Variants in HGF observed in about 807,000 individuals in gnomAD.
The protein encoded by HGF is fibroblast-derived tumor cytotoxic factor.
Under a neutral mutation model 111.6 loss-of-function variants are expected in HGF, and 39 were observed. The ratio of observed to expected loss-of-function variants is 0.35; its 90% CI spans 0.27 to 0.46. HGF has a LOEUF of 0.46. HGF is among the 20% of genes least tolerant of loss of function. The pLI, the probability that HGF is intolerant of heterozygous loss-of-function variation, is 1.00. For missense variants in HGF, 735 were observed against 910.5 expected, an observed-to-expected ratio of 0.81 and a Z score of 2.48; for synonymous variants, 285 against 294.8, an observed-to-expected ratio of 0.97 and a Z score of 0.34.
At chr7:81,710,515 C>T (rs1789546214) in intron 12 of HGF, among the ~76,000 whole-genome samples, 1 of 152,116 alleles carries the variant, frequency 6.6e-6, no homozygotes, top group Non-Finnish European at 1.5e-5. Flanking sequence ...GCTTTGCTCA[C>T]AATACACTAA....
At chr7:81,721,075 C>T (rs969204472) in intron 9 of HGF, among the ~76,000 whole-genome samples, 1 of 152,058 alleles carries the variant, frequency 6.6e-6, no homozygotes, top group South Asian at 2.1e-4. Context: ...GAAACCCTGT[C>T]TCTACTTTAA....
intron 14 of HGF, among the ~76,000 whole-genome samples, 154 bp downstream of exon 14, chr7:81,707,132 AAAGT>A (rs1789449187): frequency 1.3e-5 from 2 of 152,088 alleles, no homozygotes; most frequent in Admixed American, 1.3e-4. Flanking sequence ...CTGTGAAGTC[AAAGT>A]AAGTTTTGTA....
At chr7:81,753,948 C>T (rs1788627647) in intron 4 of HGF, among the ~76,000 whole-genome samples, 1 of 151,882 alleles carries the variant, frequency 6.6e-6, no homozygotes. Flanking sequence ...TATTTTAATG[C>T]ATCTTTTGTT....
chr7:81,731,232 G>C (rs1284103430), intron 7 of HGF, among the ~76,000 whole-genome samples: 2 of 152,120 alleles, frequency 1.3e-5, no homozygotes, highest in Non-Finnish European at 2.9e-5. Flanking sequence ...AAGTTGTACT[G>C]TGCAAATTTT....
rs1789242668 is a variant in HGF, at chr7:81,700,030, T to A, written c.*2551A>T. On this transcript the variant is annotated 3_prime_UTR_variant, in exon 18 of 18. Coordinates refer to ENST00000222390, the MANE Select transcript of HGF (RefSeq NM_000601.6). The stretch of plus-strand genomic sequence containing the variant: ...TATTTTAGTTTTACACTTCAATTCC[T>A]GGTAGACGTGAGAAAATGTCTACAA... 1 of 151,830 alleles carries A rather than the reference T, an allele frequency of 6.6e-6. No homozygotes were observed. The highest frequency in any genetic ancestry group is 2.4e-5 in the African/African-American group (1 of 41,436). 9.4% of individuals were successfully genotyped at this position (151,830 alleles called of 1,614,324 possible).
chr7:81,702,259 G>A lies in HGF; in HGVS notation c.*322C>T. On this transcript the variant is annotated 3_prime_UTR_variant, in exon 18 of 18. Transcript: ENST00000222390. The stretch of plus-strand genomic sequence containing the variant: ...GAAACCAACATCAGAAAGCAGCTTA[G>A]ACAGATTAATTGATTTTTTTTCCCA... The A allele has an allele frequency of 3.1e-6, 1 of 317,698 alleles. No individual in the cohort carries two copies. Among genetic ancestry groups the A allele is most frequent in the East Asian group, 4.9e-5 (1 of 20,496 alleles). The allele number at this position is 317,698 out of a possible 1,614,324, so 19.7% of individuals were successfully genotyped here. A position where few individuals can be genotyped will look rare whatever the true frequency, so the allele number is the denominator to read the frequency against.
At chr7:81,738,041 C>T (rs931733222) in intron 7 of HGF, among the ~76,000 whole-genome samples, 1 of 151,950 alleles carries the variant, frequency 6.6e-6, no homozygotes, top group Admixed American at 6.6e-5. Flanking sequence ...AACACATGGA[C>T]ACATAGAGGG....
At chr7:81,758,299 C>T (rs914948851) in intron 3 of HGF, among the ~76,000 whole-genome samples, 7 of 151,944 alleles carry the variant, frequency 4.6e-5, no homozygotes, top group African/African-American at 1.7e-4. Flanking sequence ...ATTTAGTTAT[C>T]CAACATTGTT....
At position 81,743,364 on chromosome 7, in the gene HGF, A is replaced by G. The variant is rs751870029; in HGVS notation, c.854T>C (p.Ile285Thr). ...TGACCTTCACTTACCGCATGTTTTA[A>G]TTGCACAGTACTCCCAGCGGGTGTG... ...DPHTRWEYCAIKTCADNTMND... is the reference protein window; with the variant it reads ...DPHTRWEYCATKTCADNTMND... Residue 285 changes from isoleucine (I) to threonine (T), a missense_variant, in exon 7 of 18, where the codon ATT (isoleucine) becomes ACT (threonine). Ile to Thr is a moderately conservative substitution (Grantham distance 89). This residue lies in a region of HGF where 553 missense variants were observed against 685.6 expected (regional missense o/e 0.81). Transcript: ENST00000222390. The G allele has an allele frequency of 1.2e-5, 20 of 1,601,220 alleles. No individual in the cohort carries two copies. The East Asian group carries it at 4.5e-4, about 36-fold the overall frequency.
At chr7:81,723,163 A>T (rs1043264074) in intron 9 of HGF, among the ~76,000 whole-genome samples, 1 of 152,154 alleles carries the variant, frequency 6.6e-6, no homozygotes, top group African/African-American at 2.4e-5. Context: ...ATTCCAAAAA[A>T]GTAAAGAATG....
At chr7:81,706,887 A>G (rs5745748) in intron 14 of HGF, among the ~76,000 whole-genome samples, 14 of 152,076 alleles carry the variant, frequency 9.2e-5, no homozygotes, top group African/African-American at 2.9e-4. Context: ...GCTAATTTTC[A>G]TTGAAAATTA....
intron 13 of HGF, among the ~76,000 whole-genome samples, chr7:81,707,791 C>A (rs951065757): frequency 6.6e-6 from 1 of 152,040 alleles, no homozygotes; most frequent in Non-Finnish European, 1.5e-5. Flanking sequence ...TGTTTGAACC[C>A]TGAAAACCAT....
At chr7:81,733,883 C>CA (rs1259709043) in intron 7 of HGF, among the ~76,000 whole-genome samples, 12 of 152,104 alleles carry the variant, frequency 7.9e-5, no homozygotes, top group African/African-American at 2.9e-4. Flanking sequence ...GGCAGTAAAA[C>CA]AAACTCCTCC....
intron 7 of HGF, among the ~76,000 whole-genome samples, chr7:81,731,516 A>G (rs545686550): frequency 1.3e-5 from 2 of 152,312 alleles, no homozygotes; most frequent in South Asian, 4.1e-4. Context: ...GTATAGAAAA[A>G]GTTGATGCTG....
At chr7:81,754,899 C>A (rs964933973) in intron 4 of HGF, among the ~76,000 whole-genome samples, 3 of 152,042 alleles carry the variant, frequency 2.0e-5, no homozygotes, top group Non-Finnish European at 2.9e-5. Flanking sequence ...CTGTAATAAG[C>A]ATTTATTCAT....
At chr7:81,757,448 A>C (rs1352627964) in intron 3 of HGF, 145 bp from the exon 4 acceptor site, 11 of 635,362 alleles carry the variant, frequency 1.7e-5, no homozygotes, top group Admixed American at 2.6e-5. Context: ...AGCTTCTACT[A>C]GTATTTTCAA....
At position 81,699,878 on chromosome 7, in the gene HGF, T is replaced by C. The variant is rs1789239652; in HGVS notation, c.*2703A>G. 1 of 151,712 alleles carries C rather than the reference T, an allele frequency of 6.6e-6. No homozygotes were observed. The highest frequency in any genetic ancestry group is 2.4e-5 in the African/African-American group (1 of 41,410). 9.4% of individuals were successfully genotyped at this position (151,712 alleles called of 1,614,324 possible). On this transcript the variant is annotated 3_prime_UTR_variant, in exon 18 of 18. Transcript: ENST00000222390. ...AAGCCTGTTAATACTAGAAATTGAC[T>C]CAATAGATTTTACTGAGGACCTGCC...
At chr7:81,736,888 T>C (rs527821728) in intron 7 of HGF, among the ~76,000 whole-genome samples, 4 of 135,670 alleles carry the variant, frequency 2.9e-5, no homozygotes, top group Non-Finnish European at 6.2e-5. Flanking sequence ...AATTTATGTG[T>C]AGAGGGGTGT....
At chr7:81,726,434 T>A (rs981259923) in intron 8 of HGF, among the ~76,000 whole-genome samples, 6 of 152,296 alleles carry the variant, frequency 3.9e-5, no homozygotes, top group African/African-American at 1.4e-4. Context: ...GGAAGAAAGG[T>A]TATTATCAAT....
Sources: allele counts gnomAD v4.1 joint callset (sites outside exome capture counted in the v4.1 genomes callset), GRCh38; gene constraint gnomAD v4.1.1; regional missense constraint gnomAD v4.1.1; transcripts MANE v1.5; gene names NCBI Gene and HGNC (gene_info 2026-07-23, HGNC 2026-07-21).